Variants in LRBA observed in about 807,000 individuals in gnomAD.
LRBA encodes lipopolysaccharide-responsive and beige-like anchor protein.
A neutral mutation model predicts 330.0 loss-of-function variants in LRBA; 176 were observed. The ratio of observed to expected loss-of-function variants is 0.53; its 90% CI spans 0.47 to 0.60. The LOEUF is 0.60. Among genes scored for constraint, LRBA ranks in the 20% least tolerant of loss-of-function variants. The pLI is 0.00. For synonymous variants in LRBA, 1,230 were observed against 1,193.0 expected, an observed-to-expected ratio of 1.03 and a Z score of -0.64; for missense variants, 3,259 against 3,444.8, an observed-to-expected ratio of 0.95 and a Z score of 1.35.
chr4:150,878,195 T>G (rs1579075038), intron 17 of LRBA, among the ~76,000 whole-genome samples: 1 of 150,250 alleles, frequency 6.7e-6, no homozygotes. Flanking sequence ...AAAAAATAGC[T>G]AGGCATGATG....
chr4:150,761,792 T>C lies in LRBA; in HGVS notation c.5636A>G (p.Asn1879Ser), dbSNP rs140916626. 17 of 1,544,638 alleles carry C rather than the reference T, an allele frequency of 1.1e-5. No homozygotes were observed. Among genetic ancestry groups the C allele is most frequent in the Non-Finnish European group, 1.5e-5 (17 of 1,148,782 alleles). Residue 1879 changes from asparagine (N) to serine (S), a missense_variant, in exon 35 of 57, where the codon AAT (asparagine) becomes AGT (serine). Physicochemically the swap from Asn to Ser is conservative, Grantham distance 46. Coordinates refer to ENST00000651943, the MANE Select transcript of LRBA (RefSeq NM_001364905.1). ...NAGLAFIELV[N>S]EGRLLSQTMK... ...AAATAAAATAAATTACCTTCCTTCA[T>C]TGACAAGTTCGATAAAAGCAAGGCC...
chr4:150,832,027 T>C (rs1747275461), intron 28 of LRBA, 51 bp from the exon 29 acceptor site: 1 of 1,151,780 alleles, frequency 8.7e-7, no homozygotes, highest in Non-Finnish European at 1.2e-6. Flanking sequence ...AATAACATCA[T>C]TATATTTTAC....
intron 46 of LRBA, among the ~76,000 whole-genome samples, chr4:150,434,785 A>G (rs1750885980): frequency 6.6e-6 from 1 of 151,926 alleles, no homozygotes; most frequent in Admixed American, 6.6e-5. Flanking sequence ...TGGAAGGTCG[A>G]GGTTGAGGCT....
At chr4:150,327,116 A>G (rs991777105) in intron 48 of LRBA, among the ~76,000 whole-genome samples, 4 of 152,168 alleles carry the variant, frequency 2.6e-5, no homozygotes, top group African/African-American at 9.7e-5. Flanking sequence ...TAGTTTATGA[A>G]TGAGAACTTT....
In LRBA at chr4:150,583,831, C is replaced by A; in HGVS notation, c.6330+4217G>T. ...CCGCCACCTGGAGCTACCCGGCCAG[C>A]CGCTCAACAACTACCACATGAAGAC... On this transcript the variant is annotated intron_variant, in intron 40 of 56. Coordinates refer to ENST00000651943, the MANE Select transcript of LRBA (RefSeq NM_001364905.1). The surrounding 1 kb of genome is among the most constrained non-coding windows in gnomAD (Gnocchi z 9.8). The A allele has an allele frequency of 6.2e-7, 1 of 1,614,210 alleles. No individual in the cohort carries two copies. Among genetic ancestry groups the A allele is most frequent in the Non-Finnish European group, 8.5e-7 (1 of 1,180,032 alleles).
chr4:150,964,252 C>A (rs566007428), intron 2 of LRBA, among the ~76,000 whole-genome samples: 1 of 147,974 alleles, frequency 6.8e-6, no homozygotes. Flanking sequence ...GATGGGGGGG[C>A]CCCTCTGCCC....
chr4:150,736,514 T>C (rs549222092), intron 35 of LRBA, among the ~76,000 whole-genome samples: 54 of 151,252 alleles, frequency 3.6e-4, no homozygotes, highest in African/African-American at 1.3e-3. Flanking sequence ...AAAGGAAAAA[T>C]TTACTGAAAG....
At chr4:150,765,635 C>A (rs779252303) in intron 34 of LRBA, among the ~76,000 whole-genome samples, 12 of 151,970 alleles carry the variant, frequency 7.9e-5, no homozygotes, top group Non-Finnish European at 1.6e-4. Context: ...TTCTCAAATC[C>A]ATTTGTTCTG....
chr4:150,309,300 T>C (rs1057149420), intron 52 of LRBA, among the ~76,000 whole-genome samples: 7 of 152,102 alleles, frequency 4.6e-5, no homozygotes, highest in Non-Finnish European at 2.9e-5. Context: ...GGTGACCCCA[T>C]ATAGCCTAGG....
intron 37 of LRBA, among the ~76,000 whole-genome samples, chr4:150,617,629 T>C (rs7671045): frequency 0.79 from 120,619 of 152,048 alleles, 51,759 homozygotes; most frequent in Non-Finnish European, 0.95. Flanking sequence ...GCAACAAGAA[T>C]GAGACTTCGT....
intron 47 of LRBA, among the ~76,000 whole-genome samples, chr4:150,377,140 G>GGA (rs750403582): frequency 5.8e-5 from 7 of 120,812 alleles, no homozygotes; most frequent in Non-Finnish European, 1.2e-4. Flanking sequence ...AAAAATAATG[G>GGA]AAAAAAAAAA....
intron 2 of LRBA, chr4:151,013,698 C>G (rs1273617219): frequency 1.5e-5 from 2 of 131,760 alleles, no homozygotes; most frequent in Non-Finnish European, 1.6e-5. Context: ...TCATCCCCCT[C>G]CCACCCCCAC....
intron 44 of LRBA, among the ~76,000 whole-genome samples, chr4:150,437,867 A>G (rs1751329197): frequency 6.6e-6 from 1 of 152,198 alleles, no homozygotes; most frequent in Non-Finnish European, 1.5e-5. Context: ...GCATAAGATA[A>G]AGCTTAATAA....
intron 40 of LRBA, among the ~76,000 whole-genome samples, chr4:150,547,228 G>A (rs1363677369): frequency 6.6e-6 from 1 of 152,040 alleles, no homozygotes; most frequent in Non-Finnish European, 1.5e-5. Flanking sequence ...AATTATGCAA[G>A]CAGATTGTTA....
At position 150,385,224 on chromosome 4, in the gene LRBA, A is replaced by T. The variant is rs1742887941; in HGVS notation, c.7194+30214T>A. Among the ~76,000 whole-genome samples the T allele has an allele frequency of 2.0e-5, 3 of 152,274 alleles. No homozygotes were observed. In the South Asian group the frequency reaches 6.2e-4, roughly 32 times the overall value. Reference sequence around the variant, plus strand: ...ATTTTACTTTTTTCCCACATCACAGATCATCTTGAATGAGCAGGCCTGCAT... The same window carrying T: ...ATTTTACTTTTTTCCCACATCACAGTTCATCTTGAATGAGCAGGCCTGCAT... On this transcript the variant is annotated intron_variant, in intron 47 of 56. Transcript: ENST00000651943.
intron 36 of LRBA, among the ~76,000 whole-genome samples, chr4:150,728,158 T>C (rs1729952715): frequency 6.6e-6 from 1 of 152,074 alleles, no homozygotes; most frequent in Non-Finnish European, 1.5e-5. Context: ...GATTGAACCA[T>C]TAAGAAATCT....
intron 37 of LRBA, among the ~76,000 whole-genome samples, chr4:150,683,194 G>A (rs978440660): frequency 1.1e-4 from 17 of 151,922 alleles, no homozygotes; most frequent in East Asian, 1.9e-4. Context: ...TGTTATATAC[G>A]TAAAAATTTG....
intron 44 of LRBA, among the ~76,000 whole-genome samples, chr4:150,443,990 T>C (rs952123389): frequency 6.6e-6 from 1 of 150,388 alleles, no homozygotes; most frequent in African/African-American, 2.4e-5. Flanking sequence ...AATCCTTTCA[T>C]GGGAGCTTTA....
intron 33 of LRBA, among the ~76,000 whole-genome samples, chr4:150,802,351 T>G (rs927819297): frequency 4.2e-5 from 6 of 141,846 alleles, no homozygotes; most frequent in Non-Finnish European, 7.7e-5. Context: ...CATTCGTGGG[T>G]TTTTTTTTTT....
Sources: allele counts gnomAD v4.1 joint callset (sites outside exome capture counted in the v4.1 genomes callset), GRCh38; gene constraint gnomAD v4.1.1; non-coding constraint Gnocchi (gnomAD v3.1); transcripts MANE v1.5; gene names NCBI Gene and HGNC (gene_info 2026-07-23, HGNC 2026-07-21).